ITGB8: variants seen among roughly 807,000 people sequenced by gnomAD.
ITGB8 encodes the protein integrin subunit beta 8, also known as integrin beta-8.
Under a neutral mutation model 89.5 loss-of-function variants are expected in ITGB8, and 30 were observed. The observed-to-expected ratio is 0.34, with a 90% CI of 0.25 to 0.45. The LOEUF (loss-of-function observed/expected upper bound fraction) is 0.45. Ranked by LOEUF, ITGB8 falls within the 20% of genes least tolerant of loss-of-function variation. The probability of loss-of-function intolerance (pLI) is 1.00; values close to 1 mark genes in which losing one functional copy is unlikely to be tolerated. For missense variants in ITGB8, 836 were observed against 933.3 expected (o/e 0.90, Z 1.36); for synonymous variants, 335 against 320.4 (o/e 1.05, Z -0.49).
chr7:20,403,371 T>C (rs1787391378), intron 10 of ITGB8, among the ~76,000 whole-genome samples: 1 of 152,212 alleles, frequency 6.6e-6, no homozygotes, highest in Non-Finnish European at 1.5e-5. Context: ...TGAGTATTTG[T>C]CCCAGTCTCT....
At chr7:20,350,406 C>T (rs964523883) in intron 1 of ITGB8, among the ~76,000 whole-genome samples, 1 of 152,202 alleles carries the variant, frequency 6.6e-6, no homozygotes, top group African/African-American at 2.4e-5. Context: ...CCTCTGCCTC[C>T]CAAAGTGCTG....
chr7:20,342,303 C>T (rs907983734), intron 1 of ITGB8, among the ~76,000 whole-genome samples: 1 of 152,152 alleles, frequency 6.6e-6, no homozygotes, highest in African/African-American at 2.4e-5. Flanking sequence ...GAACTAAATA[C>T]CCTGAAAGTC....
chr7:20,360,915 C>CTTTTTTTTT (rs1167974755), intron 1 of ITGB8, among the ~76,000 whole-genome samples: 3 of 80,894 alleles, frequency 3.7e-5, no homozygotes, highest in Non-Finnish European at 5.4e-5. Context: ...CAACTGCAGT[C>CTTTTTTTTT]TTTTTTTTTT....
chr7:20,389,249 T>C (rs1405427569), intron 6 of ITGB8, among the ~76,000 whole-genome samples: 3 of 152,226 alleles, frequency 2.0e-5, no homozygotes, highest in Admixed American at 6.5e-5. Context: ...ACCAACAGTG[T>C]AAAAGCATTC....
rs1221410441 is a variant in ITGB8, at chr7:20,413,873, A to G, written c.*3876A>G. ...ATGTTGACTCAATATTTAATTTACA[A>G]CTATCCTTATTTATATTGACCTCAA... On this transcript the variant is annotated 3_prime_UTR_variant, in exon 14 of 14. Coordinates refer to ENST00000222573, the MANE Select transcript of ITGB8 (RefSeq NM_002214.3). 6.6e-6 allele frequency: 1 copy of G among 152,062 alleles called. No individual in the cohort carries two copies. Among genetic ancestry groups the G allele is most frequent in the Non-Finnish European group, 1.5e-5 (1 of 67,952 alleles). The allele number at this position is 152,062 out of a possible 1,614,324, so 9.4% of individuals were successfully genotyped here.
chr7:20,348,075 T>C (rs1304749025), intron 1 of ITGB8, among the ~76,000 whole-genome samples: 4 of 152,184 alleles, frequency 2.6e-5, no homozygotes, highest in African/African-American at 7.2e-5. Context: ...ACAAAGACAA[T>C]TTTGACTTGA....
At chr7:20,405,134 G>A (rs577116049) in intron 11 of ITGB8, among the ~76,000 whole-genome samples, 2 of 151,578 alleles carry the variant, frequency 1.3e-5, no homozygotes, top group East Asian at 1.9e-4. Flanking sequence ...GTGTGATCTC[G>A]GACAAGTTGT....
chr7:20,371,031 T>C (rs1489690219), intron 3 of ITGB8, among the ~76,000 whole-genome samples: 1 of 152,164 alleles, frequency 6.6e-6, no homozygotes, highest in Non-Finnish European at 1.5e-5. Context: ...CTGTATGTGA[T>C]AAGAAGAACA....
chr7:20,359,762 A>G (rs1785430601), intron 1 of ITGB8, among the ~76,000 whole-genome samples: 1 of 152,204 alleles, frequency 6.6e-6, no homozygotes, highest in African/African-American at 2.4e-5. Flanking sequence ...TTCAGTGAAA[A>G]GAATTCCTGT....
chr7:20,352,396 T>C (rs1261025948), intron 1 of ITGB8: 1 of 152,246 alleles, frequency 6.6e-6, no homozygotes, highest in Non-Finnish European at 1.5e-5. Context: ...AGAACTACTC[T>C]TCTTGTATGT....
intron 3 of ITGB8, among the ~76,000 whole-genome samples, chr7:20,374,006 T>C (rs1223797483): frequency 1.3e-5 from 2 of 152,224 alleles, no homozygotes; most frequent in African/African-American, 4.8e-5. Context: ...CCATGTCTTC[T>C]TTCTAATTCT....
At chr7:20,398,550 T>C (rs558640452) in intron 8 of ITGB8, among the ~76,000 whole-genome samples, 15 of 152,366 alleles carry the variant, frequency 9.8e-5, no homozygotes, top group Admixed American at 7.2e-4. Flanking sequence ...TAGTTATTAC[T>C]GGATTAAAAA....
At chr7:20,405,043 C>CA (rs1787477232) in intron 11 of ITGB8, among the ~76,000 whole-genome samples, 190 bp downstream of exon 11, 1 of 152,160 alleles carries the variant, frequency 6.6e-6, no homozygotes, top group African/African-American at 2.4e-5. Flanking sequence ...GTGGAAGCAT[C>CA]AGAGTATATC....
chr7:20,350,514 A>T (rs1350095657), intron 1 of ITGB8, among the ~76,000 whole-genome samples: 4 of 152,210 alleles, frequency 2.6e-5, no homozygotes, highest in Non-Finnish European at 4.4e-5. Context: ...CCATAAACTC[A>T]CAGAACTGTA....
intron 1 of ITGB8, among the ~76,000 whole-genome samples, chr7:20,335,230 A>T (rs1784536557): frequency 6.6e-6 from 1 of 152,258 alleles, no homozygotes; most frequent in South Asian, 2.1e-4. Context: ...ACTGAAACTT[A>T]GGGCAACAAG....
intron 1 of ITGB8, among the ~76,000 whole-genome samples, chr7:20,347,038 C>T (rs1181052827): frequency 6.6e-6 from 1 of 152,154 alleles, no homozygotes; most frequent in Non-Finnish European, 1.5e-5. Flanking sequence ...TGAAAAAGGC[C>T]TGTGGGAACT....
intron 7 of ITGB8, among the ~76,000 whole-genome samples, chr7:20,393,259 AT>A (rs1341731639): frequency 1.2e-4 from 18 of 152,298 alleles, no homozygotes. Flanking sequence ...TCCTTTAAAA[AT>A]TTGCCATTAA....
chr7:20,381,714 G>T lies in ITGB8; in HGVS notation c.802-13G>T. ...GTTATTGTACAAAGTCTAATTACATGTTTATTTTTAAGAGTCATATCGGAT... is the reference window on the plus strand; with the variant it reads ...GTTATTGTACAAAGTCTAATTACATTTTTATTTTTAAGAGTCATATCGGAT... On this transcript the variant is annotated splice_polypyrimidine_tract_variant and intron_variant, in intron 5 of 13. Transcript: ENST00000222573. 2.5e-6 allele frequency: 4 copies of T among 1,593,828 alleles called. No individual in the cohort carries two copies. In the African/African-American group the frequency reaches 4.1e-5, roughly 16 times the overall value.
At chr7:20,339,100 G>C (rs899757848) in intron 1 of ITGB8, among the ~76,000 whole-genome samples, 6 of 149,280 alleles carry the variant, frequency 4.0e-5, no homozygotes, top group African/African-American at 1.5e-4. Flanking sequence ...GCTGGGGCAA[G>C]AGAATCATTT....
Sources: allele counts gnomAD v4.1 joint callset (sites outside exome capture counted in the v4.1 genomes callset), GRCh38; gene constraint gnomAD v4.1.1; transcripts MANE v1.5; gene names NCBI Gene and HGNC (gene_info 2026-07-23, HGNC 2026-07-21).